NFIA: variants seen among roughly 807,000 people sequenced by gnomAD.
NFIA encodes the protein nuclear factor 1 A-type.
Under a neutral mutation model 62.8 loss-of-function variants are expected in NFIA, and 8 were observed. The observed-to-expected ratio is 0.13, with a 90% confidence interval of 0.07 to 0.23. The LOEUF (loss-of-function observed/expected upper bound fraction) is 0.23, where lower values mean the gene tolerates loss of function less well. Ranked by LOEUF, NFIA falls within the 10% of genes least tolerant of loss-of-function variation. NFIA has a pLI of 1.00. For synonymous variants in NFIA, 235 were observed against 238.1 expected (o/e 0.99, Z 0.12); for missense variants, 410 against 642.1 (o/e 0.64, Z 3.91).
intron 2 of NFIA, among the ~76,000 whole-genome samples, chr1:61,241,161 C>T (rs1433908420): frequency 1.3e-5 from 2 of 152,094 alleles, no homozygotes; most frequent in African/African-American, 4.8e-5. Flanking sequence ...GACAGCACCT[C>T]TCCCTTCTAT....
At chr1:61,247,674 CT>C (rs1174217154) in intron 2 of NFIA, among the ~76,000 whole-genome samples, 4 of 152,156 alleles carry the variant, frequency 2.6e-5, no homozygotes, top group African/African-American at 9.7e-5. Context: ...GTCACCACTC[CT>C]GTTTTGCTGG....
chr1:61,206,248 G>C (rs1220526382), intron 2 of NFIA, among the ~76,000 whole-genome samples: 3 of 151,996 alleles, frequency 2.0e-5, no homozygotes, highest in Non-Finnish European at 4.4e-5. Context: ...GCTTTTCCTG[G>C]TTGAAAAGTG....
chr1:61,349,197 A>G (rs1389124848), intron 4 of NFIA, among the ~76,000 whole-genome samples: 2 of 152,226 alleles, frequency 1.3e-5, no homozygotes, highest in Non-Finnish European at 2.9e-5. Context: ...ATTATTAATT[A>G]GAACCCTGTT....
At chr1:61,437,855 TTGGTGTATCTGTC>T (rs1667402171) in intron 10 of NFIA, among the ~76,000 whole-genome samples, 1 of 53,328 alleles carries the variant, frequency 1.9e-5, no homozygotes. Context: ...CCTATTCTGT[TTGGTGTATCTGTC>T]AGTTTACAGT....
At chr1:61,425,601 T>C (rs1666830185) in intron 9 of NFIA, among the ~76,000 whole-genome samples, 1 of 152,106 alleles carries the variant, frequency 6.6e-6, no homozygotes, top group African/African-American at 2.4e-5. Flanking sequence ...AAGAAGTGAA[T>C]TGAAGGACAC....
intron 4 of NFIA, among the ~76,000 whole-genome samples, chr1:61,350,614 C>T (rs1662495763): frequency 6.6e-6 from 1 of 152,014 alleles, no homozygotes; most frequent in African/African-American, 2.4e-5. Flanking sequence ...TGCACTTAGC[C>T]TGTGTGGCAA....
chr1:61,294,313 G>T (rs1659066678), intron 3 of NFIA, among the ~76,000 whole-genome samples: 1 of 152,192 alleles, frequency 6.6e-6, no homozygotes, highest in Non-Finnish European at 1.5e-5. Context: ...AGTCACAAGA[G>T]TGATGAAGCA....
rs1557692273 is a variant in NFIA, at chr1:61,300,792, A to G, written c.625+23207A>G. On this transcript the variant is annotated intron_variant, in intron 3 of 10. Coordinates refer to ENST00000403491, the MANE Select transcript of NFIA (RefSeq NM_001134673.4). ...TATATGTACCTATACACATAGAGGT[A>G]CATACACATGTATAAACCTCCATTT... 2.0e-5 allele frequency among the ~76,000 whole-genome samples: 3 copies of G among 152,258 alleles called. No homozygotes were observed. The East Asian group carries it at 5.8e-4, about 29-fold the overall frequency.
chr1:61,368,839 C>G (rs1415889506), intron 6 of NFIA, among the ~76,000 whole-genome samples: 1 of 152,130 alleles, frequency 6.6e-6, no homozygotes, highest in Non-Finnish European at 1.5e-5. Flanking sequence ...ACCTCTGCAT[C>G]TATTATATGC....
chr1:61,397,811 C>T (rs10489909), intron 7 of NFIA, among the ~76,000 whole-genome samples: 5,487 of 152,264 alleles, frequency 0.036, 164 homozygotes, highest in Middle Eastern at 0.058. Flanking sequence ...TTTTCTGAGT[C>T]GTATGTTTAA....
chr1:61,339,391 C>T (rs1229409229), intron 4 of NFIA, among the ~76,000 whole-genome samples: 2 of 151,880 alleles, frequency 1.3e-5, no homozygotes, highest in African/African-American at 4.8e-5. Flanking sequence ...TCTGATTGGC[C>T]CCTATATATT....
intron 2 of NFIA, among the ~76,000 whole-genome samples, chr1:61,266,353 TTTTC>T (rs536823689): frequency 6.6e-5 from 10 of 152,074 alleles, no homozygotes; most frequent in African/African-American, 1.7e-4. Context: ...AGCTAATTTT[TTTTC>T]TTTCTTTCTT....
chr1:61,194,054 A>T (rs932348556), intron 2 of NFIA, among the ~76,000 whole-genome samples: 3 of 152,206 alleles, frequency 2.0e-5, no homozygotes, highest in Non-Finnish European at 4.4e-5. Flanking sequence ...GTTAAGATTA[A>T]CAAGATTGAT....
intron 2 of NFIA, among the ~76,000 whole-genome samples, chr1:61,154,587 A>G (rs1321119729): frequency 6.6e-6 from 1 of 152,146 alleles, no homozygotes; most frequent in African/African-American, 2.4e-5. Flanking sequence ...AGTAACTGGG[A>G]TTACAGGCAC....
chr1:61,127,435 C>T (rs1203292964), intron 2 of NFIA, among the ~76,000 whole-genome samples: 2 of 151,654 alleles, frequency 1.3e-5, no homozygotes, highest in Non-Finnish European at 2.9e-5. Flanking sequence ...GCACTCCAGC[C>T]TGGGTGACAG....
chr1:61,277,661 TG>T, intron 3 of NFIA, 76 bp downstream of exon 3: 1 of 1,473,246 alleles, frequency 6.8e-7, no homozygotes, highest in Non-Finnish European at 9.5e-7. Flanking sequence ...TGTGAGGATT[TG>T]GGGGCCTACC....
intron 7 of NFIA, among the ~76,000 whole-genome samples, chr1:61,384,128 G>T (rs1485432395): frequency 1.3e-5 from 2 of 152,146 alleles, no homozygotes; most frequent in Admixed American, 1.3e-4. Context: ...GTAGAAGTAT[G>T]AATAATTGTA....
chr1:61,299,775 C>G (rs545929867), intron 3 of NFIA, among the ~76,000 whole-genome samples: 2 of 152,232 alleles, frequency 1.3e-5, no homozygotes, highest in African/African-American at 4.8e-5. Flanking sequence ...TGGTTAATGT[C>G]TTAGTTCTGT....
At chr1:61,116,874 T>G (rs6693597) in intron 2 of NFIA, among the ~76,000 whole-genome samples, 18,681 of 152,294 alleles carry the variant, frequency 0.12, 1,205 homozygotes, top group Middle Eastern at 0.22. Context: ...AATTAAAAAT[T>G]AAATAATGAC....
Sources: gnomAD v4.1 joint callset for allele counts (sites outside exome capture counted in the v4.1 genomes callset) on GRCh38, gnomAD v4.1.1 for gene constraint, MANE v1.5 for transcripts, NCBI Gene and HGNC (gene_info 2026-07-23, HGNC 2026-07-21) for gene names.